TMEM108: variants seen among roughly 807,000 people sequenced by gnomAD.
The protein encoded by TMEM108 is cancer/testis antigen 124.
A neutral mutation model predicts 35.1 loss-of-function variants in TMEM108; 12 were observed. The observed-to-expected ratio is 0.34, with a 90% CI of 0.22 to 0.55. TMEM108 has a LOEUF of 0.55. Among genes scored for constraint, TMEM108 ranks in the 20% least tolerant of loss-of-function variants. The pLI, the probability that TMEM108 is intolerant of heterozygous loss-of-function variation, is 0.89. For synonymous variants in TMEM108, 287 were observed against 308.6 expected (o/e 0.93, Z 0.73); for missense variants, 680 against 753.3 (o/e 0.90, Z 1.14).
chr3:133,145,443 C>A (rs796300688), intron 2 of TMEM108, among the ~76,000 whole-genome samples: 3 of 152,152 alleles, frequency 2.0e-5, no homozygotes, highest in South Asian at 4.1e-4. Context: ...CTTGGCTATA[C>A]AGGCTCTTTT....
chr3:133,230,388 G>A (rs1317858970), intron 3 of TMEM108, among the ~76,000 whole-genome samples: 5 of 152,104 alleles, frequency 3.3e-5, no homozygotes, highest in Admixed American at 2.0e-4. Context: ...CACATATCAC[G>A]TCAGCCTGTT....
chr3:133,217,049 AGT>A (rs1417925201), intron 2 of TMEM108, among the ~76,000 whole-genome samples: 2 of 152,094 alleles, frequency 1.3e-5, no homozygotes, highest in African/African-American at 4.8e-5. Flanking sequence ...TCCGATCAAC[AGT>A]GTGCAAGAGT....
At chr3:133,256,898 A>G (rs1004247620) in intron 3 of TMEM108, 5 of 152,234 alleles carry the variant, frequency 3.3e-5, no homozygotes, top group African/African-American at 9.6e-5. Flanking sequence ...TGCAAAAGCC[A>G]GAAAATGATA....
At chr3:133,385,846 C>T (rs1202143303) in intron 4 of TMEM108, among the ~76,000 whole-genome samples, 1 of 152,200 alleles carries the variant, frequency 6.6e-6, no homozygotes, top group Non-Finnish European at 1.5e-5. Context: ...AATGGGACTC[C>T]TGTCCACTGT....
chr3:133,334,620 G>A (rs2071457285), intron 3 of TMEM108, among the ~76,000 whole-genome samples: 1 of 152,090 alleles, frequency 6.6e-6, no homozygotes, highest in Admixed American at 6.6e-5. Flanking sequence ...CCTTGGGGCA[G>A]GTCTGAAGAT....
At chr3:133,230,099 A>G (rs1280540583) in intron 3 of TMEM108, among the ~76,000 whole-genome samples, 1 of 152,228 alleles carries the variant, frequency 6.6e-6, no homozygotes, top group Non-Finnish European at 1.5e-5. Context: ...AGGTCAAACC[A>G]AAGCCAGTGA....
rs142232396 is a variant in TMEM108 at position 133,188,236 on chromosome 3, T to C, written c.-46-41030T>C. Among the ~76,000 whole-genome samples, 35 of 152,248 alleles carry C rather than the reference T, an allele frequency of 2.3e-4. No individual in the cohort carries two copies. In the East Asian group the frequency reaches 4.1e-3, roughly 18 times the overall value. ...CCAGGCGCGTCTGCACACTACACAT[T>C]TGCAAAATGAAAAGTGGTGTTGTAG... On this transcript the variant is annotated intron_variant, in intron 2 of 5. Coordinates refer to ENST00000321871, the MANE Select transcript of TMEM108 (RefSeq NM_023943.4).
chr3:133,178,166 A>G (rs2107799078), intron 2 of TMEM108, among the ~76,000 whole-genome samples: 1 of 152,364 alleles, frequency 6.6e-6, no homozygotes. Context: ...ATAAAAGAGG[A>G]TACAAACAAA....
intron 2 of TMEM108, among the ~76,000 whole-genome samples, chr3:133,130,601 C>G (rs1437776563): frequency 6.6e-6 from 1 of 152,198 alleles, no homozygotes; most frequent in Non-Finnish European, 1.5e-5. Flanking sequence ...CTTAGGAAAT[C>G]AGACAGCATC....
At chr3:133,145,224 C>G (rs560988192) in intron 2 of TMEM108, among the ~76,000 whole-genome samples, 1 of 152,234 alleles carries the variant, frequency 6.6e-6, no homozygotes, top group South Asian at 2.1e-4. Context: ...ATAGGAAATC[C>G]TTTCCCCATT....
chr3:133,303,027 A>G (rs999885396), intron 3 of TMEM108, among the ~76,000 whole-genome samples: 1 of 152,164 alleles, frequency 6.6e-6, no homozygotes, highest in Non-Finnish European at 1.5e-5. Flanking sequence ...ATCTACTGGT[A>G]AAGCCTGAAG....
intron 3 of TMEM108, among the ~76,000 whole-genome samples, chr3:133,299,799 G>C (rs1372103948): frequency 6.6e-6 from 1 of 152,066 alleles, no homozygotes; most frequent in Non-Finnish European, 1.5e-5. Flanking sequence ...TCTTCTCCTG[G>C]ACCATCCCAG....
intron 3 of TMEM108, among the ~76,000 whole-genome samples, chr3:133,281,491 A>G (rs1447976497): frequency 6.6e-6 from 1 of 152,246 alleles, no homozygotes; most frequent in Non-Finnish European, 1.5e-5. Flanking sequence ...GCTGTTAAGC[A>G]TCTTTTTCTT....
chr3:133,386,822 T>G, intron 4 of TMEM108: 1 of 718,862 alleles, frequency 1.4e-6, no homozygotes, highest in Non-Finnish European at 1.7e-6. Flanking sequence ...TTGAAGATCA[T>G]CAAGACCTGG....
At chr3:133,332,865 A>C (rs1056757901) in intron 3 of TMEM108, among the ~76,000 whole-genome samples, 14 of 152,250 alleles carry the variant, frequency 9.2e-5, no homozygotes, top group African/African-American at 1.2e-4. Flanking sequence ...ATAAATTGAC[A>C]TACAGAAAGA....
At chr3:133,167,564 A>T (rs561481263) in intron 2 of TMEM108, among the ~76,000 whole-genome samples, 1 of 152,222 alleles carries the variant, frequency 6.6e-6, no homozygotes, top group Admixed American at 6.5e-5. Context: ...GCCCAGCGAG[A>T]ATTCGAGCAT....
chr3:133,174,144 T>C (rs1380053127), intron 2 of TMEM108, among the ~76,000 whole-genome samples: 2 of 152,190 alleles, frequency 1.3e-5, no homozygotes, highest in Non-Finnish European at 2.9e-5. Flanking sequence ...GTGCCTGCCA[T>C]TGCTGAAGCT....
chr3:133,085,974 A>G (rs372814707), intron 2 of TMEM108, among the ~76,000 whole-genome samples: 1 of 152,102 alleles, frequency 6.6e-6, no homozygotes, highest in Admixed American at 6.6e-5. Context: ...ATTTTTCACT[A>G]ATTTCATCTT....
At chr3:133,204,766 CTG>C (rs1337145132) in intron 2 of TMEM108, among the ~76,000 whole-genome samples, 3 of 152,066 alleles carry the variant, frequency 2.0e-5, no homozygotes, top group Non-Finnish European at 4.4e-5. Flanking sequence ...CCTGAGAAGA[CTG>C]TATATTCTGT....
Sources: allele counts gnomAD v4.1 joint callset (sites outside exome capture counted in the v4.1 genomes callset), GRCh38; gene constraint gnomAD v4.1.1; transcripts MANE v1.5; gene names NCBI Gene and HGNC (gene_info 2026-07-23, HGNC 2026-07-21).